The following ETV6 variants were observed in gnomAD, a reference collection of about 807,000 sequenced individuals.
The protein encoded by ETV6 is transcription factor ETV6.
ETV6 carries 16 observed loss-of-function variants against 51.1 expected under a neutral mutation model. That is an observed-to-expected ratio of 0.31 (90% confidence interval 0.21 to 0.48). The LOEUF (loss-of-function observed/expected upper bound fraction) is 0.48. ETV6 is among the 20% of genes least tolerant of loss of function. ETV6 has a pLI of 0.99. For synonymous variants in ETV6, 240 were observed against 224.1 expected (o/e 1.07, Z -0.64); for missense variants, 458 against 594.8 (o/e 0.77, Z 2.39).
chr12:11,674,087 C>A (rs184591555), intron 1 of ETV6, among the ~76,000 whole-genome samples: 1 of 152,270 alleles, frequency 6.6e-6, no homozygotes, highest in Admixed American at 6.5e-5. Context: ...TTGGCTTTTA[C>A]CTTGGGGACC....
At chr12:11,750,792 C>CTTT (rs6144613) in intron 1 of ETV6, 9 of 370,046 alleles carry the variant, frequency 2.4e-5, no homozygotes, top group African/African-American at 1.3e-4. Flanking sequence ...TATGTGTGGG[C>CTTT]TTTTTTTTTT....
In ETV6 at chr12:11,802,460, T is replaced by C. The variant is rs535123440; in HGVS notation, c.164-36680T>C. Among the ~76,000 whole-genome samples, 3 of 152,338 alleles carry C rather than the reference T, an allele frequency of 2.0e-5. No homozygotes were observed. The South Asian group carries it at 6.2e-4, about 32-fold the overall frequency. ...TACATCATTTTAAAACATATTCCTGTTATATTACTCTCCAGTGTTAAGGGT... is the reference window on the plus strand; with the variant it reads ...TACATCATTTTAAAACATATTCCTGCTATATTACTCTCCAGTGTTAAGGGT... On this transcript the variant is annotated intron_variant, in intron 2 of 7. Coordinates refer to ENST00000396373, the MANE Select transcript of ETV6 (RefSeq NM_001987.5).
At chr12:11,671,968 T>A (rs1236784727) in intron 1 of ETV6, among the ~76,000 whole-genome samples, 1 of 151,600 alleles carries the variant, frequency 6.6e-6, no homozygotes, top group African/African-American at 2.4e-5. Context: ...CAGAAGGTCC[T>A]TTGTGCTTCA....
Position 11,671,905 on chromosome 12 carries a change from A to T in ETV6, c.33+21745A>T, listed in dbSNP as rs894235397. Among the ~76,000 whole-genome samples the T allele has an allele frequency of 6.0e-5, 9 of 149,738 alleles. No homozygotes were observed. The South Asian group carries it at 1.1e-3, about 18-fold the overall frequency. On this transcript the variant is annotated intron_variant, in intron 1 of 7. Coordinates refer to ENST00000396373, the MANE Select transcript of ETV6 (RefSeq NM_001987.5). ...TCAACCAGGTGAACTGAGTGAATGA[A>T]CCTACTTTTTAATTGGGTGTTTTTA...
chr12:11,699,577 G>A (rs1432558192), intron 1 of ETV6, among the ~76,000 whole-genome samples: 1 of 152,152 alleles, frequency 6.6e-6, no homozygotes, highest in Non-Finnish European at 1.5e-5. Context: ...TATCCTGCAG[G>A]ATACTTGAAA....
chr12:11,658,705 C>T (rs998849644), intron 1 of ETV6, among the ~76,000 whole-genome samples: 6 of 152,172 alleles, frequency 3.9e-5, no homozygotes, highest in African/African-American at 1.4e-4. Flanking sequence ...CTCAAAAAAG[C>T]TCTTATTTTA....
At chr12:11,804,830 G>C (rs1178961444) in intron 2 of ETV6, among the ~76,000 whole-genome samples, 1 of 152,192 alleles carries the variant, frequency 6.6e-6, no homozygotes, top group Non-Finnish European at 1.5e-5. Context: ...AGGGTAATTG[G>C]ATGGGCCTGG....
chr12:11,731,275 A>G (rs936427124), intron 1 of ETV6, among the ~76,000 whole-genome samples: 1 of 152,218 alleles, frequency 6.6e-6, no homozygotes, highest in Non-Finnish European at 1.5e-5. Context: ...GTGTTTAATT[A>G]AAGCAAAAAT....
chr12:11,780,152 T>G (rs2136367443), intron 2 of ETV6, among the ~76,000 whole-genome samples: 1 of 152,358 alleles, frequency 6.6e-6, no homozygotes, highest in East Asian at 1.9e-4. Context: ...TCTGAAAGTT[T>G]TAATTTATTA....
chr12:11,698,112 C>G (rs1864911998), intron 1 of ETV6, among the ~76,000 whole-genome samples: 1 of 152,168 alleles, frequency 6.6e-6, no homozygotes, highest in Non-Finnish European at 1.5e-5. Context: ...TTACCACTGA[C>G]TCTTCTAAGT....
At position 11,859,303 on chromosome 12, in the gene ETV6, G is replaced by A. The variant is rs548708956; in HGVS notation, c.463+5742G>A. Among the ~76,000 whole-genome samples, 244 of 151,536 alleles carry A rather than the reference G, an allele frequency of 1.6e-3. 1 individual carries two copies. Among genetic ancestry groups the A allele is most frequent in the African/African-American group, 5.4e-3 (224 of 41,244 alleles). ...ACTACAGGCATCCGCCACCATGCCC[G>A]GCTAATTTTTTGTATTTTTAGTAGA... On this transcript the variant is annotated intron_variant, in intron 4 of 7. Coordinates refer to ENST00000396373, the MANE Select transcript of ETV6 (RefSeq NM_001987.5).
chr12:11,738,365 G>A (rs1865748852), intron 1 of ETV6, among the ~76,000 whole-genome samples: 1 of 147,566 alleles, frequency 6.8e-6, no homozygotes, highest in South Asian at 2.1e-4. Flanking sequence ...CAGCCAGGCT[G>A]GAGTGCAGTG....
intron 1 of ETV6, chr12:11,750,934 C>T (rs1866014124): frequency 8.7e-6 from 4 of 461,000 alleles, no homozygotes; most frequent in Non-Finnish European, 1.7e-5. Context: ...AAAGTTTTGC[C>T]TCTGGGTGAC....
In ETV6 at chr12:11,893,506, G is replaced by A. The variant is rs1947330175; in HGVS notation, c.*2460G>A. On this transcript the variant is annotated 3_prime_UTR_variant, in exon 8 of 8. Transcript: ENST00000396373. ...AATAGAAGGCGCTCATTCCAATATA[G>A]TCTTTATTTCCCATTCAGATACAGG... The A allele has an allele frequency of 4.3e-6, 1 of 231,392 alleles. No homozygotes were observed. Among genetic ancestry groups the A allele is most frequent in the African/African-American group, 2.2e-5 (1 of 45,210 alleles). The allele number at this position is 231,392 out of a possible 1,614,324, so 14.3% of individuals were successfully genotyped here. A position where few individuals can be genotyped will look rare whatever the true frequency, so the allele number is the denominator to read the frequency against.
intron 2 of ETV6, among the ~76,000 whole-genome samples, chr12:11,819,285 G>A (rs959265511): frequency 1.2e-4 from 19 of 152,048 alleles, no homozygotes; most frequent in Non-Finnish European, 2.4e-4. Flanking sequence ...TCTGCTGCCC[G>A]AAACTCTCCT....
intron 2 of ETV6, among the ~76,000 whole-genome samples, chr12:11,836,037 G>C (rs78611516): frequency 8.5e-5 from 13 of 152,326 alleles, no homozygotes; most frequent in African/African-American, 2.9e-4. Context: ...AGCAGTACTA[G>C]GTGCATAGTA....
chr12:11,705,233 G>A (rs900277172), intron 1 of ETV6, among the ~76,000 whole-genome samples: 3 of 152,222 alleles, frequency 2.0e-5, no homozygotes, highest in Non-Finnish European at 2.9e-5. Context: ...GATGAAGTGG[G>A]CCGGTGCTCA....
intron 3 of ETV6, among the ~76,000 whole-genome samples, chr12:11,846,230 T>TAAA (rs11426777): frequency 1.0e-3 from 151 of 147,498 alleles, no homozygotes; most frequent in African/African-American, 3.3e-3. Flanking sequence ...ACTCTTACTT[T>TAAA]AAAAAAAAAA....
Position 11,888,840 on chromosome 12 carries a change from G to T in ETV6, c.1254-2101G>T, listed in dbSNP as rs144389459. Among the ~76,000 whole-genome samples the T allele has an allele frequency of 2.0e-5, 3 of 152,206 alleles. No homozygotes were observed. The East Asian group carries it at 5.8e-4, about 29-fold the overall frequency. On this transcript the variant is annotated intron_variant, in intron 7 of 7. Coordinates refer to ENST00000396373, the MANE Select transcript of ETV6 (RefSeq NM_001987.5). ...CCTCAGCCTCCGGAGTAGCTAGAGC[G>T]ACTACAGGATTTATATTTTGAATAC...
Sources: allele counts gnomAD v4.1 joint callset (sites outside exome capture counted in the v4.1 genomes callset), GRCh38; gene constraint gnomAD v4.1.1; transcripts MANE v1.5; gene names NCBI Gene and HGNC (gene_info 2026-07-23, HGNC 2026-07-21).